ME3: variants seen among roughly 807,000 people sequenced by gnomAD.
ME3 encodes the protein malic enzyme 3.
ME3 carries 48 observed loss-of-function variants against 68.9 expected under a neutral mutation model. The observed-to-expected ratio is 0.70, with a 90% confidence interval of 0.55 to 0.89. ME3 has a LOEUF of 0.89. Ranked by LOEUF, ME3 falls within the 40% of genes least tolerant of loss-of-function variation. ME3 has a pLI of 0.00. For missense variants in ME3, 675 were observed against 797.4 expected, an observed-to-expected ratio of 0.85 and a Z score of 1.85; for synonymous variants, 320 against 318.8, an observed-to-expected ratio of 1.00 and a Z score of -0.04.
At chr11:86,565,215 C>A (rs60479132) in intron 2 of ME3, among the ~76,000 whole-genome samples, 21,341 of 151,858 alleles carry the variant, frequency 0.14, 1,685 homozygotes, top group South Asian at 0.3. Context: ...ACACACACAC[C>A]CCCCCTAGGA....
At chr11:86,648,355 T>A (rs1312124760) in intron 2 of ME3, among the ~76,000 whole-genome samples, 1 of 152,154 alleles carries the variant, frequency 6.6e-6, no homozygotes, top group Non-Finnish European at 1.5e-5. Context: ...TAGCCCTAAA[T>A]GCCCACATCA....
At chr11:86,549,484 T>C (rs1226978064) in intron 4 of ME3, among the ~76,000 whole-genome samples, 2 of 152,260 alleles carry the variant, frequency 1.3e-5, no homozygotes, top group Non-Finnish European at 2.9e-5. Context: ...TCTTCCCAAG[T>C]GGAAAATTCT....
At chr11:86,577,963 T>A (rs144304660) in intron 2 of ME3, among the ~76,000 whole-genome samples, 90 of 152,350 alleles carry the variant, frequency 5.9e-4, no homozygotes, top group Middle Eastern at 6.8e-3. Flanking sequence ...ATTGTTTTGC[T>A]ATTGAAAGAT....
intron 2 of ME3, among the ~76,000 whole-genome samples, chr11:86,590,259 A>G (rs1301136562): frequency 6.6e-6 from 1 of 152,196 alleles, no homozygotes; most frequent in East Asian, 1.9e-4. Flanking sequence ...CTCAGCATCT[A>G]CTATGTGGGG....
chr11:86,454,698 C>T (rs777647701), intron 8 of ME3, among the ~76,000 whole-genome samples: 4 of 152,218 alleles, frequency 2.6e-5, no homozygotes, highest in Admixed American at 1.3e-4. Context: ...GAATCAAGCT[C>T]TAGGGCCTGT....
At chr11:86,514,549 G>A (rs546531736) in intron 4 of ME3, among the ~76,000 whole-genome samples, 27 of 152,336 alleles carry the variant, frequency 1.8e-4, no homozygotes, top group African/African-American at 6.5e-4. Context: ...CAACTCAAGT[G>A]ATGGTTCACA....
At chr11:86,658,986 A>G (rs1946101038) in intron 2 of ME3, among the ~76,000 whole-genome samples, 1 of 152,234 alleles carries the variant, frequency 6.6e-6, no homozygotes, top group South Asian at 2.1e-4. Flanking sequence ...CAGTCAAAAA[A>G]AATCTACTGC....
chr11:86,659,046 A>C (rs1301294381), intron 2 of ME3, among the ~76,000 whole-genome samples: 2 of 152,190 alleles, frequency 1.3e-5, no homozygotes, highest in African/African-American at 2.4e-5. Context: ...TATGACATGA[A>C]GGCTAAGCTT....
At chr11:86,649,880 T>C (rs1172716215) in intron 2 of ME3, among the ~76,000 whole-genome samples, 7 of 152,170 alleles carry the variant, frequency 4.6e-5, no homozygotes, top group East Asian at 1.9e-4. Context: ...AATGGTCATA[T>C]TGCCCAATAA....
chr11:86,484,944 G>A (rs1272943296), intron 7 of ME3, among the ~76,000 whole-genome samples: 1 of 152,092 alleles, frequency 6.6e-6, no homozygotes, highest in African/African-American at 2.4e-5. Context: ...TTTTTAAGAG[G>A]TTAGAATAGA....
intron 2 of ME3, among the ~76,000 whole-genome samples, chr11:86,576,805 A>G (rs140083304): frequency 1.0e-3 from 158 of 152,294 alleles, no homozygotes; most frequent in African/African-American, 3.2e-3. Flanking sequence ...TGGCAGTTGT[A>G]CCATCAAAAG....
chr11:86,644,820 C>G (rs1389401290), intron 2 of ME3, among the ~76,000 whole-genome samples: 3 of 152,198 alleles, frequency 2.0e-5, no homozygotes, highest in Admixed American at 6.5e-5. Flanking sequence ...ATGAGACCAA[C>G]ACAGAAGGCG....
intron 4 of ME3, among the ~76,000 whole-genome samples, chr11:86,550,694 G>A (rs1197785786): frequency 1.3e-5 from 2 of 152,068 alleles, no homozygotes; most frequent in East Asian, 3.9e-4. Flanking sequence ...CTTTCTGCTT[G>A]CCTCCCAATT....
At chr11:86,599,648 G>C (rs191676799) in intron 2 of ME3, among the ~76,000 whole-genome samples, 1 of 152,170 alleles carries the variant, frequency 6.6e-6, no homozygotes, top group Non-Finnish European at 1.5e-5. Context: ...ACACATGATT[G>C]TCAGATTCAC....
intron 8 of ME3, among the ~76,000 whole-genome samples, chr11:86,452,795 A>G (rs527773977): frequency 6.6e-6 from 1 of 152,242 alleles, no homozygotes; most frequent in African/African-American, 2.4e-5. Context: ...GTCTTTAGAT[A>G]ACAGAGTTTT....
At chr11:86,661,275 T>C (rs1031166672) in intron 2 of ME3, among the ~76,000 whole-genome samples, 32 of 152,352 alleles carry the variant, frequency 2.1e-4, no homozygotes, top group Middle Eastern at 3.4e-3. Flanking sequence ...CATGTGGCGT[T>C]ATCGAGGAGG....
intron 2 of ME3, among the ~76,000 whole-genome samples, chr11:86,612,610 T>A (rs1942668224): frequency 6.6e-6 from 1 of 152,240 alleles, no homozygotes; most frequent in Admixed American, 6.5e-5. Flanking sequence ...CCATTCTGAC[T>A]GGTGCGAGAT....
intron 2 of ME3, among the ~76,000 whole-genome samples, chr11:86,669,820 A>G (rs1946809853): frequency 6.6e-6 from 1 of 152,252 alleles, no homozygotes; most frequent in South Asian, 2.1e-4. Context: ...GGTTTTAAAA[A>G]AAGACTTAAA....
intron 2 of ME3, among the ~76,000 whole-genome samples, chr11:86,641,455 C>G (rs182958427): frequency 3.3e-5 from 5 of 152,294 alleles, no homozygotes; most frequent in African/African-American, 1.2e-4. Context: ...AAACCGTCAG[C>G]TAACTGGATG....
Sources: allele counts gnomAD v4.1 joint callset (sites outside exome capture counted in the v4.1 genomes callset), GRCh38; gene constraint gnomAD v4.1.1; transcripts MANE v1.5; gene names NCBI Gene and HGNC (gene_info 2026-07-23, HGNC 2026-07-21).